The following RIF1 variants were observed in gnomAD, a reference collection of about 807,000 sequenced individuals.
RIF1 encodes telomere-associated protein RIF1.
Under a neutral mutation model 247.1 loss-of-function variants are expected in RIF1, and 45 were observed. That is an observed-to-expected ratio of 0.18 (90% CI 0.14 to 0.23). The LOEUF (loss-of-function observed/expected upper bound fraction) is 0.23. Among genes scored for constraint, RIF1 ranks in the 10% least tolerant of loss-of-function variants. The pLI, the probability that RIF1 is intolerant of heterozygous loss-of-function variation, is 1.00. For missense variants in RIF1, 2,967 were observed against 2,862.5 expected (o/e 1.04, Z -0.83); for synonymous variants, 1,087 against 978.8 (o/e 1.11, Z -2.06).
At chr2:151,495,863 G>GTAAAT (rs766157436) in intron 10 of RIF1, among the ~76,000 whole-genome samples, 7 of 152,098 alleles carry the variant, frequency 4.6e-5, no homozygotes, top group Non-Finnish European at 8.8e-5. Context: ...ATCTGACAGG[G>GTAAAT]TAAATTAGAA....
Position 151,463,505 on chromosome 2 carries a change from C to T in RIF1, c.3985C>T (p.Pro1329Ser). Residue 1329 changes from proline to serine, a missense_variant, in exon 30 of 36, where the codon CCT (proline) becomes TCT (serine). By Grantham distance (74) the Pro-to-Ser change is moderately conservative (BLOSUM62 -1). Coordinates refer to ENST00000444746, the MANE Select transcript of RIF1 (RefSeq NM_018151.5). ...CATTGTAGTCTTAGAAAATAACCCA[C>T]CTGGTTTGCTTAATCAAACAGAATG... is the stretch of plus-strand genomic sequence containing the variant. ...EGIVVLENNP[P>S]GLLNQTECVS... 1.2e-6 allele frequency: 2 copies of T among 1,614,076 alleles called. No homozygotes were observed. Among genetic ancestry groups the T allele is most frequent in the African/African-American group, 1.3e-5 (1 of 75,042 alleles).
chr2:151,439,387 G>A (rs557279948), intron 14 of RIF1, among the ~76,000 whole-genome samples: 7 of 152,216 alleles, frequency 4.6e-5, no homozygotes, highest in African/African-American at 1.2e-4. Flanking sequence ...CCTTCTAGCC[G>A]GGCGCGGTGG....
chr2:151,440,439 A>G (rs1692077089), intron 15 of RIF1, among the ~76,000 whole-genome samples: 1 of 152,214 alleles, frequency 6.6e-6, no homozygotes, highest in African/African-American at 2.4e-5. Context: ...TAATTTTATG[A>G]CAAGATTGCT....
At chr2:151,513,807 G>C in the RIF1 span, 1 of 740,252 alleles carries the variant, frequency 1.4e-6, no homozygotes, top group Non-Finnish European at 2.3e-6. Flanking sequence ...CACAGATAGT[G>C]TCGCTTGCTA....
At chr2:151,430,690 G>A (rs1281231276) in intron 9 of RIF1, among the ~76,000 whole-genome samples, 1 of 151,330 alleles carries the variant, frequency 6.6e-6, no homozygotes, top group South Asian at 2.1e-4. Flanking sequence ...CCCACTTAGG[G>A]TCTTGCCCTG....
chr2:151,446,367 A>G (rs935183461), intron 19 of RIF1, 59 bp from the exon 20 acceptor site: 3 of 1,442,574 alleles, frequency 2.1e-6, no homozygotes, highest in African/African-American at 1.4e-5. Flanking sequence ...TATTGATTCT[A>G]TAAACTTTGA....
rs972456882 is a variant in RIF1, at chr2:151,462,519, C to T, written c.3363+53C>T. On this transcript the variant is annotated intron_variant, in intron 29 of 35. Transcript: ENST00000444746. Reference sequence around the variant, plus strand: ...TTTTTAGAATCACCCTTCCATTATACAGTCTGTTAAACTGCTGAAATGTCT... The same window carrying T: ...TTTTTAGAATCACCCTTCCATTATATAGTCTGTTAAACTGCTGAAATGTCT... The T allele has an allele frequency of 5.6e-5, 66 of 1,183,746 alleles. No individual in the cohort carries two copies. The East Asian group carries it at 1.2e-3, about 22-fold the overall frequency. 73.3% of individuals were successfully genotyped at this position (1,183,746 alleles called of 1,614,324 possible). A position where few individuals can be genotyped will look rare whatever the true frequency, so the allele number is the denominator to read the frequency against.
intron 11 of RIF1, among the ~76,000 whole-genome samples, chr2:151,500,430 A>G (rs1386325658): frequency 6.6e-6 from 1 of 152,092 alleles, no homozygotes; most frequent in East Asian, 1.9e-4. Flanking sequence ...TAATACACAA[A>G]TAATTTGTGT....
chr2:151,501,326 A>AGAT, intron 11 of RIF1: 3 of 1,059,362 alleles, frequency 2.8e-6, no homozygotes, highest in Non-Finnish European at 4.3e-6. Context: ...ATGAACAGTG[A>AGAT]GATGTTCTGT....
the RIF1 span, among the ~76,000 whole-genome samples, chr2:151,524,854 G>A: frequency 6.6e-6 from 1 of 151,592 alleles, no homozygotes; most frequent in African/African-American, 2.4e-5. Context: ...TTTTAGTAGA[G>A]ACAGGGTTTC....
At chr2:151,466,585 A>G (rs1261744769) in intron 30 of RIF1, among the ~76,000 whole-genome samples, 6 of 151,814 alleles carry the variant, frequency 4.0e-5, no homozygotes, top group Admixed American at 3.3e-4. Flanking sequence ...CAACTTGTAG[A>G]TGTGATCTTA....
intron 9 of RIF1, chr2:151,490,038 C>G (rs751128054): frequency 1.2e-6 from 2 of 1,613,084 alleles, no homozygotes; most frequent in East Asian, 2.2e-5. Context: ...TGAAGATGAT[C>G]GTTGTTGTGG....
downstream of RIF1, among the ~76,000 whole-genome samples, chr2:151,510,047 A>T (rs1297014564): frequency 6.6e-6 from 1 of 152,236 alleles, no homozygotes; most frequent in Non-Finnish European, 1.5e-5. Context: ...CTAAAGACAT[A>T]AGTGATTAAC....
the RIF1 span, among the ~76,000 whole-genome samples, chr2:151,522,597 T>C: frequency 6.7e-6 from 1 of 149,582 alleles, no homozygotes; most frequent in Non-Finnish European, 1.5e-5. Flanking sequence ...TCAACAAATT[T>C]CCACAGCAAT....
chr2:151,440,401 CTT>C (rs1336181435), intron 15 of RIF1, among the ~76,000 whole-genome samples: 1 of 152,118 alleles, frequency 6.6e-6, no homozygotes, highest in African/African-American at 2.4e-5. Context: ...GGACATGAAA[CTT>C]GAACTGAAGA....
At chr2:151,527,324 G>C in the RIF1 span, among the ~76,000 whole-genome samples, 1 of 152,162 alleles carries the variant, frequency 6.6e-6, no homozygotes, top group East Asian at 1.9e-4. Flanking sequence ...TTTGGGTTCT[G>C]AGCTCGCCTA....
In RIF1 at chr2:151,463,567, A is replaced by G. The variant is rs145795235; in HGVS notation, c.4047A>G (p.Thr1349=). ...ATCAGGTTCATCTTTCTGAATCTAC[A>G]ATGGAGCATGACAATACAAAGCTTA... ...SDNQVHLSES[T]MEHDNTKLKA... is the part of the protein sequence containing the mutation. The change falls in exon 30 of 36, where the codon ACA becomes ACG. Residue 1349 remains threonine (T), a synonymous_variant. Coordinates refer to ENST00000444746, the MANE Select transcript of RIF1 (RefSeq NM_018151.5). 3.1e-6 allele frequency: 5 copies of G among 1,613,868 alleles called. No homozygotes were observed. In the African/African-American group the frequency reaches 6.7e-5, roughly 22 times the overall value.
At chr2:151,448,093 A>G (rs1357182908) in intron 20 of RIF1, among the ~76,000 whole-genome samples, 1 of 151,832 alleles carries the variant, frequency 6.6e-6, no homozygotes, top group African/African-American at 2.4e-5. Flanking sequence ...TTGGACGACA[A>G]CCCAGGCTGG....
chr2:151,430,859 G>T (rs1689993360), intron 9 of RIF1, among the ~76,000 whole-genome samples: 1 of 152,036 alleles, frequency 6.6e-6, no homozygotes, highest in Admixed American at 6.6e-5. Flanking sequence ...TGACCACGTT[G>T]CCCGGGCTAG....
Sources: allele counts gnomAD v4.1 joint callset (sites outside exome capture counted in the v4.1 genomes callset), GRCh38; gene constraint gnomAD v4.1.1; transcripts MANE v1.5; gene names NCBI Gene and HGNC (gene_info 2026-07-23, HGNC 2026-07-21).